PARP2: variants seen among roughly 807,000 people sequenced by gnomAD.
PARP2 encodes poly(ADP-ribose) polymerase 2.
Under a neutral mutation model 77.8 loss-of-function variants are expected in PARP2, and 57 were observed. The ratio of observed to expected loss-of-function variants is 0.73; its 90% CI spans 0.59 to 0.91. The LOEUF (loss-of-function observed/expected upper bound fraction) is 0.91. Among genes scored for constraint, PARP2 ranks in the 40% least tolerant of loss-of-function variants. PARP2 has a pLI of 0.00. For synonymous variants in PARP2, 226 were observed against 242.6 expected (o/e 0.93, Z 0.64); for missense variants, 651 against 689.0 (o/e 0.94, Z 0.62).
chr14:20,346,084 A>G (rs1883708266), intron 3 of PARP2, among the ~76,000 whole-genome samples: 1 of 152,206 alleles, frequency 6.6e-6, no homozygotes, highest in South Asian at 2.1e-4. Flanking sequence ...ATTACAATTC[A>G]GCATGAGATT....
Position 20,357,863 on chromosome 14 carries a change from G to A in PARP2, c.*66G>A. 2 of 1,436,506 alleles carry A rather than the reference G, an allele frequency of 1.4e-6. No individual in the cohort carries two copies. Among genetic ancestry groups the A allele is most frequent in the Non-Finnish European group, 1.9e-6 (2 of 1,040,218 alleles). 89.0% of individuals were successfully genotyped at this position (1,436,506 alleles called of 1,614,324 possible). ...AGAAAATAAGCAGTGTTGTACTTGT[G>A]AATTTTGTGATATTTTATGTAATAA... is the stretch of plus-strand genomic sequence containing the variant. On this transcript the variant is annotated 3_prime_UTR_variant, in exon 16 of 16. Transcript: ENST00000429687.
chr14:20,354,144 G>A lies in PARP2; in HGVS notation c.660G>A (p.Gln220=), dbSNP rs200352250. ...AATCTCCCTTGAAGCCAGAGTCACAGCTAGATCTTCGGGTACAGGAGTTAA... is the reference window on the plus strand; with the variant it reads ...AATCTCCCTTGAAGCCAGAGTCACAACTAGATCTTCGGGTACAGGAGTTAA... ...SLKSPLKPES[Q]LDLRVQELIK... The change falls in exon 8 of 16, where the codon CAG becomes CAA. Residue 220 remains glutamine (Q), a synonymous_variant. Transcript: ENST00000429687. The A allele has an allele frequency of 6.2e-7, 1 of 1,612,958 alleles. No homozygotes were observed. Among genetic ancestry groups the A allele is most frequent in the East Asian group, 2.2e-5 (1 of 44,864 alleles).
chr14:20,347,833 A>G (rs1377480713), intron 4 of PARP2, among the ~76,000 whole-genome samples: 1 of 150,864 alleles, frequency 6.6e-6, no homozygotes, highest in Non-Finnish European at 1.5e-5. Context: ...CATATCATTT[A>G]TTGAAATTGT....
At chr14:20,356,785 TCC>T in intron 13 of PARP2, 96 bp downstream of exon 13, 1 of 961,520 alleles carries the variant, frequency 1.0e-6, no homozygotes, top group Non-Finnish European at 1.7e-6. Flanking sequence ...ATGGTTCCCC[TCC>T]CCAAGAGTTA....
chr14:20,346,878 G>A lies in PARP2; in HGVS notation c.289G>A (p.Glu97Lys), dbSNP rs1883743892. The A allele has an allele frequency of 2.5e-6, 4 of 1,606,056 alleles. No individual in the cohort carries two copies. The highest frequency in any genetic ancestry group is 3.4e-6 in the Non-Finnish European group (4 of 1,174,078). ...AKVGKAHVYC[E>K]GNDVYDVMLN... ...CCCTTTCTAGGCTCATGTGTATTGT[G>A]AAGGAAATGATGTCTATGATGTCAT... is the stretch of plus-strand genomic sequence containing the variant. The change falls in exon 4 of 16, where the codon GAA becomes AAA. Residue 97 changes from glutamate (E) to lysine (K), a missense_variant. Physicochemically the swap from Glu to Lys is moderately conservative, Grantham distance 56. Coordinates refer to ENST00000429687, the MANE Select transcript of PARP2 (RefSeq NM_001042618.2).
In PARP2 at chr14:20,357,140, CT is replaced by C; in HGVS notation, c.1421del (p.Leu474TyrfsTer4). On this transcript the variant is annotated frameshift_variant, in exon 14 of 16. Transcript: ENST00000429687. LOFTEE classifies it high-confidence loss of function. ...SRLKNTGLLLLSEVALGQCNE... is the reference protein window; with the variant it reads ...SRLKNTGLLLXSEVALGQCNE... The stretch of plus-strand genomic sequence containing the variant: ...GCCTAAAGAATACAGGACTGCTGCT[CT>C]TATCAGAGGTGAGACAGGAGTATGT... 6.2e-7 allele frequency: 1 copy of C among 1,600,164 alleles called. No homozygotes were observed. Among genetic ancestry groups the C allele is most frequent in the Non-Finnish European group, 8.6e-7 (1 of 1,168,384 alleles).
In PARP2 at chr14:20,355,924, A is replaced by T. The variant is rs2138948323; in HGVS notation, c.994A>T (p.Lys332Ter). ...TTTGGGAGACATTGAAATTGCTATT[A>T]AGCTGGTGAAAACAGAGCTACAAAG... ...EALGDIEIAI[K>*]LVKTELQSPE... is the part of the protein sequence containing the mutation. The change falls in exon 11 of 16, where the codon AAG (lysine) becomes TAG (stop). Residue 332 changes from lysine (K) to a stop codon, truncating the protein, a stop_gained. Coordinates refer to ENST00000429687, the MANE Select transcript of PARP2 (RefSeq NM_001042618.2). LOFTEE classifies it high-confidence loss of function. 6.2e-7 allele frequency: 1 copy of T among 1,614,198 alleles called. No individual in the cohort carries two copies. Among genetic ancestry groups the T allele is most frequent in the African/African-American group, 1.3e-5 (1 of 75,056 alleles).
intron 3 of PARP2, chr14:20,346,544 A>G (rs965384646): frequency 9.5e-6 from 2 of 211,136 alleles, no homozygotes; most frequent in Non-Finnish European, 9.7e-6. Flanking sequence ...ATGTTGGCCA[A>G]GCTGGTCTCG....
At chr14:20,352,197 A>G in intron 6 of PARP2, 48 bp from the exon 7 acceptor site, 1 of 1,000,966 alleles carries the variant, frequency 1.0e-6, no homozygotes. Flanking sequence ...GTCCATCTTC[A>G]TAGTAGACCT....
chr14:20,347,390 A>T (rs1476513378), intron 4 of PARP2, among the ~76,000 whole-genome samples: 5 of 15,166 alleles, frequency 3.3e-4, no homozygotes, highest in East Asian at 1.9e-3. Flanking sequence ...ATATATATAT[A>T]TATATATATT....
intron 7 of PARP2, 22 bp downstream of exon 7, chr14:20,352,369 G>T (rs774241807): frequency 7.3e-7 from 1 of 1,372,232 alleles, no homozygotes; most frequent in South Asian, 1.2e-5. Context: ...TATACTTTTC[G>T]AAAGAAACAC....
intron 1 of PARP2, among the ~76,000 whole-genome samples, chr14:20,344,003 G>C (rs931587732): frequency 1.3e-5 from 2 of 152,130 alleles, no homozygotes; most frequent in Non-Finnish European, 2.9e-5. Context: ...ACTGAAAATG[G>C]TGAACTGTGA....
intron 11 of PARP2, 109 bp from the exon 12 acceptor site, chr14:20,356,198 T>C (rs1203043558): frequency 2.3e-5 from 33 of 1,441,502 alleles, no homozygotes; most frequent in Non-Finnish European, 3.0e-5. Context: ...CTTGTAAGAC[T>C]GTTTGGGAGC....
intron 7 of PARP2, among the ~76,000 whole-genome samples, chr14:20,353,716 A>G (rs1476675268): frequency 6.6e-6 from 1 of 152,370 alleles, no homozygotes; most frequent in Non-Finnish European, 1.5e-5. Flanking sequence ...CACATATCCA[A>G]AAAAATGGAG....
At chr14:20,353,970 G>C in intron 7 of PARP2, 115 bp from the exon 8 acceptor site, 1 of 793,804 alleles carries the variant, frequency 1.3e-6, no homozygotes, top group East Asian at 2.6e-5. Flanking sequence ...TTATTCCCTA[G>C]ACAGTGCAAT....
intron 7 of PARP2, 75 bp downstream of exon 7, chr14:20,352,422 CTG>C: frequency 1.1e-6 from 1 of 907,436 alleles, no homozygotes; most frequent in Non-Finnish European, 1.7e-6. Flanking sequence ...AAACTGTGCT[CTG>C]TTGCCCAGGC....
chr14:20,354,997 C>T, intron 9 of PARP2, 50 bp downstream of exon 9: 4 of 1,489,274 alleles, frequency 2.7e-6, no homozygotes, highest in Non-Finnish European at 2.7e-6. Context: ...ATACATATCC[C>T]CTGTATCCAT....
intron 4 of PARP2, 36 bp downstream of exon 4, chr14:20,346,949 T>C: frequency 1.6e-6 from 2 of 1,286,874 alleles, no homozygotes; most frequent in Non-Finnish European, 2.3e-6. Flanking sequence ...ATTATATTTA[T>C]GAGACCATCT....
chr14:20,354,838 G>T lies in PARP2; in HGVS notation c.793G>T (p.Gly265Cys). The change falls in exon 9 of 16, where the codon GGT (glycine) becomes TGT (cysteine). Residue 265 changes from glycine (G) to cysteine (C), a missense_variant. Transcript: ENST00000429687. Reference protein sequence around the residue: ...GKLTVAQIKAGYQSLKKIEDC... With the variant: ...GKLTVAQIKACYQSLKKIEDC... ...GCTGACAGTGGCACAAATCAAGGCA[G>T]GTTACCAGTCTCTTAAGAAGATTGA... 1 of 1,613,778 alleles carries T rather than the reference G, an allele frequency of 6.2e-7. No homozygotes were observed. Among genetic ancestry groups the T allele is most frequent in the Non-Finnish European group, 8.5e-7 (1 of 1,179,868 alleles).
Sources: allele counts gnomAD v4.1 joint callset (sites outside exome capture counted in the v4.1 genomes callset), GRCh38; gene constraint gnomAD v4.1.1; transcripts MANE v1.5; gene names NCBI Gene and HGNC (gene_info 2026-07-23, HGNC 2026-07-21).